CEP128: variants seen among roughly 807,000 people sequenced by gnomAD.
CEP128 encodes the protein centrosomal protein 128.
CEP128 carries 132 observed loss-of-function variants against 156.7 expected under a neutral mutation model. That is an observed-to-expected ratio of 0.84 (90% CI 0.73 to 0.97). The LOEUF is 0.97. CEP128 is among the 50% of genes least tolerant of loss of function. The pLI, the probability that CEP128 is intolerant of heterozygous loss-of-function variation, is 0.00. For missense variants in CEP128, 1,252 were observed against 1,281.9 expected (o/e 0.98, Z 0.36); for synonymous variants, 469 against 448.9 (o/e 1.04, Z -0.57).
chr14:80,616,989 A>G (rs1346744999), intron 19 of CEP128, among the ~76,000 whole-genome samples: 3 of 152,178 alleles, frequency 2.0e-5, no homozygotes, highest in African/African-American at 4.8e-5. Context: ...CTGTTACATC[A>G]TATGGTCCCA....
At chr14:80,769,874 T>C (rs1162876422) in intron 16 of CEP128, among the ~76,000 whole-genome samples, 1 of 152,194 alleles carries the variant, frequency 6.6e-6, no homozygotes, top group East Asian at 1.9e-4. Flanking sequence ...CACTTTATGT[T>C]TCCTTTTAGG....
chr14:80,832,081 A>C (rs963381404), intron 12 of CEP128, among the ~76,000 whole-genome samples: 3 of 152,156 alleles, frequency 2.0e-5, no homozygotes, highest in African/African-American at 7.2e-5. Flanking sequence ...TGGTTTTATA[A>C]AGGAGAGTTC....
At chr14:80,846,462 A>AAC (rs1886607768) in intron 9 of CEP128, among the ~76,000 whole-genome samples, 1 of 151,596 alleles carries the variant, frequency 6.6e-6, no homozygotes, top group African/African-American at 2.4e-5. Context: ...GAAGAACAAA[A>AAC]GTCATATGGG....
At chr14:80,654,773 T>C (rs1390017794) in intron 19 of CEP128, among the ~76,000 whole-genome samples, 1 of 152,152 alleles carries the variant, frequency 6.6e-6, no homozygotes, top group Admixed American at 6.6e-5. Context: ...TGGCTTCTTT[T>C]TTCCTGCTTT....
intron 19 of CEP128, among the ~76,000 whole-genome samples, chr14:80,651,857 T>C (rs756996136): frequency 9.9e-5 from 15 of 152,130 alleles, no homozygotes; most frequent in Admixed American, 3.9e-4. Flanking sequence ...AGTTTTAGAA[T>C]AGGTGCAGTG....
At chr14:80,745,561 T>G (rs912932448) in intron 18 of CEP128, among the ~76,000 whole-genome samples, 1 of 152,132 alleles carries the variant, frequency 6.6e-6, no homozygotes, top group Non-Finnish European at 1.5e-5. Context: ...CATTCCTTCA[T>G]AATAAAGACA....
exon 15 of CEP128, chr14:80,477,561 T>G (rs1308054546): frequency 6.6e-6 from 1 of 152,192 alleles, no homozygotes; most frequent in Non-Finnish European, 1.5e-5. Flanking sequence ...ACCTGTCCCA[T>G]GCATTTCTAT....
chr14:80,796,168 CAA>C (rs938208538), intron 13 of CEP128, among the ~76,000 whole-genome samples: 2 of 152,076 alleles, frequency 1.3e-5, no homozygotes, highest in Admixed American at 1.3e-4. Context: ...TCAAGATCCC[CAA>C]AGATCACCTA....
chr14:80,628,743 C>T (rs1893838495), intron 19 of CEP128, among the ~76,000 whole-genome samples: 1 of 152,130 alleles, frequency 6.6e-6, no homozygotes. Context: ...TTAGGTAACT[C>T]AAGCAGCAAC....
chr14:80,659,520 T>TC (rs1281618947), intron 19 of CEP128, among the ~76,000 whole-genome samples: 1 of 152,182 alleles, frequency 6.6e-6, no homozygotes, highest in East Asian at 1.9e-4. Flanking sequence ...TTTATGGCTT[T>TC]CCTTCACTTA....
Position 80,801,494 on chromosome 14 carries a change from A to C in CEP128, c.1210-8384T>G, listed in dbSNP as rs575071497. Among the ~76,000 whole-genome samples the C allele has an allele frequency of 2.6e-5, 4 of 152,226 alleles. No individual in the cohort carries two copies. The South Asian group carries it at 8.3e-4, about 32-fold the overall frequency. ...AGGCCTTTTGCTGCATTTATTGAGA[A>C]GGAACTTAAACATATTTAGAAGAAA... is the stretch of plus-strand genomic sequence containing the variant. On this transcript the variant is annotated intron_variant, in intron 13 of 24. Coordinates refer to ENST00000555265, the MANE Select transcript of CEP128 (RefSeq NM_152446.5).
Position 80,497,337 on chromosome 14 carries a change from T to C in CEP128, c.*142A>G. ...CCATTCACAAGGACCAACAGTATTG[T>C]CACTTTTGTCAATGTTTGGCAATAC... On this transcript the variant is annotated 3_prime_UTR_variant, in exon 25 of 25. Transcript: ENST00000555265. 1.7e-6 allele frequency: 1 copy of C among 604,728 alleles called. No individual in the cohort carries two copies. The highest frequency in any genetic ancestry group is 2.9e-6 in the Non-Finnish European group (1 of 342,684). 37.5% of individuals were successfully genotyped at this position (604,728 alleles called of 1,614,324 possible).
intron 14 of CEP128, among the ~76,000 whole-genome samples, chr14:80,484,011 C>G (rs187244513): frequency 2.6e-5 from 4 of 152,080 alleles, no homozygotes; most frequent in Non-Finnish European, 5.9e-5. Context: ...GGGTCCCACT[C>G]TGTTGCCTAG....
chr14:80,940,927 T>C (rs1329874883), intron 1 of CEP128, among the ~76,000 whole-genome samples: 4 of 152,236 alleles, frequency 2.6e-5, no homozygotes, highest in African/African-American at 7.2e-5. Context: ...CTGTGCTAGA[T>C]ACTTTACATA....
At chr14:80,841,327 G>A (rs540476250) in intron 9 of CEP128, among the ~76,000 whole-genome samples, 6 of 152,098 alleles carry the variant, frequency 3.9e-5, no homozygotes, top group Non-Finnish European at 8.8e-5. Context: ...CCAACTGCCA[G>A]AAGCTTTTTC....
chr14:80,838,102 C>A (rs1451879763), intron 11 of CEP128, 102 bp downstream of exon 11: 1 of 777,184 alleles, frequency 1.3e-6, no homozygotes, highest in South Asian at 1.9e-5. Flanking sequence ...AACATTTTTT[C>A]TAGACCTAGT....
intron 19 of CEP128, among the ~76,000 whole-genome samples, chr14:80,691,859 C>G (rs1896730807): frequency 6.6e-6 from 1 of 152,078 alleles, no homozygotes; most frequent in African/African-American, 2.4e-5. Context: ...TCCACACCTA[C>G]AAATATTTAA....
At chr14:80,920,905 G>A (rs1884825310) in intron 2 of CEP128, among the ~76,000 whole-genome samples, 1 of 151,974 alleles carries the variant, frequency 6.6e-6, no homozygotes, top group South Asian at 2.1e-4. Context: ...CCTTTGCCCT[G>A]GTAATTACAT....
At chr14:80,527,944 T>A (rs946783952) in intron 22 of CEP128, among the ~76,000 whole-genome samples, 1 of 152,148 alleles carries the variant, frequency 6.6e-6, no homozygotes, top group Non-Finnish European at 1.5e-5. Context: ...GACAATTATT[T>A]AGACATTTCT....
Sources: allele counts gnomAD v4.1 joint callset (sites outside exome capture counted in the v4.1 genomes callset), GRCh38; gene constraint gnomAD v4.1.1; transcripts MANE v1.5; gene names NCBI Gene and HGNC (gene_info 2026-07-23, HGNC 2026-07-21).